SLC6A15: variants seen among roughly 807,000 people sequenced by gnomAD.
The protein encoded by SLC6A15 is sodium-dependent neutral amino acid transporter B(0)AT2.
Under a neutral mutation model 68.5 loss-of-function variants are expected in SLC6A15, and 33 were observed. The ratio of observed to expected loss-of-function variants is 0.48; its 90% CI spans 0.37 to 0.64. The LOEUF (loss-of-function observed/expected upper bound fraction) is 0.64, where lower values mean the gene tolerates loss of function less well. Among genes scored for constraint, SLC6A15 ranks in the 30% least tolerant of loss-of-function variants. The pLI, the probability that SLC6A15 is intolerant of heterozygous loss-of-function variation, is 0.00. For synonymous variants in SLC6A15, 347 were observed against 301.0 expected (o/e 1.15, Z -1.58); for missense variants, 747 against 874.3 (o/e 0.85, Z 1.84).
intron 8 of SLC6A15, among the ~76,000 whole-genome samples, chr12:84,871,607 G>C (rs1478776136): frequency 1.3e-5 from 2 of 151,758 alleles, no homozygotes; most frequent in East Asian, 3.9e-4. Flanking sequence ...CGGTACATTA[G>C]TAATTAATTA....
At chr12:84,912,161 C>T (rs1437174087) in intron 1 of SLC6A15, 5 of 152,534 alleles carry the variant, frequency 3.3e-5, no homozygotes, top group African/African-American at 7.2e-5. Context: ...CCCCACCCTT[C>T]AACCAACCCC....
chr12:84,872,314 A>G (rs1033754227), intron 8 of SLC6A15, among the ~76,000 whole-genome samples: 2 of 152,202 alleles, frequency 1.3e-5, no homozygotes, highest in African/African-American at 4.8e-5. Context: ...ATTTCAGACT[A>G]ATCATCATTC....
Position 84,885,927 on chromosome 12 carries a change from C to A in SLC6A15, c.431G>T (p.Gly144Val). Reference sequence around the variant, plus strand: ...GAAACTTACTACACAACTTGCAAATCCAATCCCGCCCAGTTTAGGGCTTAT... The same window carrying A: ...GAAACTTACTACACAACTTGCAAATACAATCCCGCCCAGTTTAGGGCTTAT... ...NYISPKLGGIGFASCVVCYFV... is the reference protein window; with the variant it reads ...NYISPKLGGIVFASCVVCYFV... Residue 144 changes from glycine to valine, a missense_variant, in exon 3 of 12, where the codon GGA (glycine) becomes GTA (valine). Physicochemically the swap from Gly to Val is moderately radical, Grantham distance 109 (BLOSUM62 -3). Coordinates refer to ENST00000266682, the MANE Select transcript of SLC6A15 (RefSeq NM_182767.6). The A allele has an allele frequency of 6.2e-7, 1 of 1,608,260 alleles. No homozygotes were observed. The highest frequency in any genetic ancestry group is 8.5e-7 in the Non-Finnish European group (1 of 1,177,468).
At chr12:84,893,100 T>A (rs1207976669) in intron 1 of SLC6A15, among the ~76,000 whole-genome samples, 1 of 152,208 alleles carries the variant, frequency 6.6e-6, no homozygotes, top group Non-Finnish European at 1.5e-5. Context: ...ACCCATTTGA[T>A]ATTTATTGTG....
chr12:84,909,343 C>G (rs924783824), intron 1 of SLC6A15, among the ~76,000 whole-genome samples: 1 of 152,196 alleles, frequency 6.6e-6, no homozygotes, highest in Non-Finnish European at 1.5e-5. Context: ...ACACAACTTA[C>G]AGCTCTGCCC....
At chr12:84,881,439 C>T in intron 5 of SLC6A15, 1 of 985,100 alleles carries the variant, frequency 1.0e-6, no homozygotes, top group Non-Finnish European at 1.2e-6. Context: ...AGACTTTGAT[C>T]ACTGAGCTGA....
chr12:84,867,333 C>T, intron 9 of SLC6A15, 140 bp from the exon 10 acceptor site: 1 of 587,200 alleles, frequency 1.7e-6, no homozygotes, highest in Non-Finnish European at 2.7e-6. Flanking sequence ...TTTCCTGATA[C>T]ATGGCATATA....
chr12:84,888,452 C>T (rs535135478), intron 2 of SLC6A15, among the ~76,000 whole-genome samples: 10 of 152,042 alleles, frequency 6.6e-5, no homozygotes, highest in African/African-American at 2.2e-4. Flanking sequence ...CAAAATAATG[C>T]CCTTCATATT....
chr12:84,909,357 G>A (rs1873331284), intron 1 of SLC6A15, among the ~76,000 whole-genome samples: 1 of 152,138 alleles, frequency 6.6e-6, no homozygotes, highest in South Asian at 2.1e-4. Context: ...TCTGCCCTGT[G>A]TCAAGTGATA....
chr12:84,878,530 T>C (rs995054081), intron 5 of SLC6A15, among the ~76,000 whole-genome samples: 3 of 152,154 alleles, frequency 2.0e-5, no homozygotes, highest in Non-Finnish European at 2.9e-5. Flanking sequence ...TTATAAATAA[T>C]ATAATTGACT....
intron 1 of SLC6A15, among the ~76,000 whole-genome samples, chr12:84,900,044 G>A (rs963767485): frequency 1.3e-5 from 2 of 151,992 alleles, no homozygotes; most frequent in African/African-American, 2.4e-5. Context: ...ATTTAAAATT[G>A]AATTACATTG....
At position 84,901,023 on chromosome 12, in the gene SLC6A15, CAT is replaced by C. The variant is rs775412015; in HGVS notation, c.-188-8717_-188-8716del. ...ATGTATATATATACATACATATATA[CAT>C]GTATATATGCATACACATATACGTA... is the stretch of plus-strand genomic sequence containing the variant. On this transcript the variant is annotated intron_variant, in intron 1 of 11. Transcript: ENST00000266682. Among the ~76,000 whole-genome samples, 143 of 126,858 alleles carry C rather than the reference CAT, an allele frequency of 1.1e-3. 2 individuals carry two copies. Among genetic ancestry groups the C allele is most frequent in the Non-Finnish European group, 1.4e-3 (82 of 58,960 alleles). 83.2% of individuals were successfully genotyped at this position (126,858 alleles called of 152,430 possible).
intron 8 of SLC6A15, among the ~76,000 whole-genome samples, chr12:84,871,014 G>A (rs1353242878): frequency 6.6e-6 from 1 of 151,608 alleles, no homozygotes; most frequent in African/African-American, 2.4e-5. Flanking sequence ...AATATGAATA[G>A]TGACATATTA....
At chr12:84,862,738 T>C (rs1014469679) in intron 11 of SLC6A15, among the ~76,000 whole-genome samples, 1 of 152,194 alleles carries the variant, frequency 6.6e-6, no homozygotes, top group Non-Finnish European at 1.5e-5. Context: ...TGCTAATATA[T>C]ATTTTTCATC....
At position 84,863,392 on chromosome 12, in the gene SLC6A15, C is replaced by G. The variant is rs761893263; in HGVS notation, c.1818+47G>C. 1.9e-5 allele frequency: 28 copies of G among 1,456,346 alleles called. No individual in the cohort carries two copies. The South Asian group carries it at 3.2e-4, about 17-fold the overall frequency. 90.2% of individuals were successfully genotyped at this position (1,456,346 alleles called of 1,614,324 possible). Reference sequence around the variant, plus strand: ...CAAAAGAAAAAGCCCTCTAAAAAAGCTTTTTATATATCTTTTAAAAATGTA... The same window carrying G: ...CAAAAGAAAAAGCCCTCTAAAAAAGGTTTTTATATATCTTTTAAAAATGTA... On this transcript the variant is annotated intron_variant, in intron 11 of 11. Transcript: ENST00000266682.
At chr12:84,879,210 G>A (rs1288888054) in intron 5 of SLC6A15, among the ~76,000 whole-genome samples, 1 of 151,862 alleles carries the variant, frequency 6.6e-6, no homozygotes, top group Non-Finnish European at 1.5e-5. Flanking sequence ...ACAGTTCTCT[G>A]TGAACTTGCT....
chr12:84,867,408 T>C, intron 9 of SLC6A15: 2 of 311,312 alleles, frequency 6.4e-6, no homozygotes, highest in Non-Finnish European at 1.2e-5. Context: ...TCTAAGACAG[T>C]AATTCATCTC....
intron 1 of SLC6A15, among the ~76,000 whole-genome samples, chr12:84,895,339 ATTTTTTTTTTTTTTTT>A (rs67339994): frequency 3.7e-5 from 2 of 54,772 alleles, no homozygotes; most frequent in East Asian, 1.1e-3. Flanking sequence ...TTTTGTTTGT[ATTTTTTTTTTTTTTTT>A]TTTTTTTTTT....
chr12:84,882,594 C>T (rs970013265), intron 5 of SLC6A15: 44 of 392,512 alleles, frequency 1.1e-4, no homozygotes, highest in African/African-American at 7.6e-4. Flanking sequence ...GGGACTAGGA[C>T]GGGGTGAGAC....
Sources: gnomAD v4.1 joint callset for allele counts (sites outside exome capture counted in the v4.1 genomes callset) on GRCh38, gnomAD v4.1.1 for gene constraint, MANE v1.5 for transcripts, NCBI Gene and HGNC (gene_info 2026-07-23, HGNC 2026-07-21) for gene names.